SPRED2: variants seen among roughly 807,000 people sequenced by gnomAD.
SPRED2 encodes sprouty-related, EVH1 domain-containing protein 2.
Under a neutral mutation model 43.0 loss-of-function variants are expected in SPRED2, and 47 were observed. That is an observed-to-expected ratio of 1.09 (90% CI 0.87 to 1.40). The LOEUF is 1.40. SPRED2 is among the 40% of genes most tolerant of loss of function. The pLI is 0.00. For missense variants in SPRED2, 561 were observed against 586.4 expected (o/e 0.96, Z 0.45); for synonymous variants, 225 against 225.7 (o/e 1.00, Z 0.03).
intron 1 of SPRED2, among the ~76,000 whole-genome samples, chr2:65,393,540 G>T (rs1006613627): frequency 6.6e-6 from 1 of 151,882 alleles, no homozygotes; most frequent in African/African-American, 2.4e-5. Flanking sequence ...TCATCATGTT[G>T]GCCAGGCTGG....
intron 1 of SPRED2, among the ~76,000 whole-genome samples, chr2:65,400,406 T>C (rs1675858456): frequency 6.6e-6 from 1 of 152,222 alleles, no homozygotes; most frequent in African/African-American, 2.4e-5. Flanking sequence ...AAAAAACAAG[T>C]TGTCAGAGAA....
intron 1 of SPRED2, among the ~76,000 whole-genome samples, chr2:65,362,045 T>C (rs1192504846): frequency 2.0e-5 from 3 of 152,232 alleles, no homozygotes; most frequent in African/African-American, 7.2e-5. Context: ...TACAAATGAA[T>C]GAATGAAGTC....
intron 1 of SPRED2, among the ~76,000 whole-genome samples, chr2:65,357,189 C>CT (rs935718410): frequency 1.3e-5 from 2 of 152,116 alleles, no homozygotes; most frequent in Non-Finnish European, 2.9e-5. Context: ...CATTTAGTTC[C>CT]TTTTTTTCTA....
chr2:65,431,724 G>A (rs1041834318), intron 1 of SPRED2, among the ~76,000 whole-genome samples: 3 of 151,984 alleles, frequency 2.0e-5, no homozygotes, highest in Non-Finnish European at 4.4e-5. Context: ...CACGCCCTTG[G>A]CCCCCGGAGC....
At chr2:65,327,353 G>A (rs892909929) in intron 4 of SPRED2, among the ~76,000 whole-genome samples, 4 of 152,136 alleles carry the variant, frequency 2.6e-5, no homozygotes, top group Admixed American at 6.5e-5. Flanking sequence ...AAGATGAGAT[G>A]ATATATATGT....
chr2:65,382,686 T>C (rs1344832323), intron 1 of SPRED2, among the ~76,000 whole-genome samples: 1 of 152,266 alleles, frequency 6.6e-6, no homozygotes, highest in African/African-American at 2.4e-5. Flanking sequence ...AAAATATTTG[T>C]TTCCACAGTA....
intron 2 of SPRED2, 189 bp downstream of exon 2, chr2:65,344,530 C>T (rs1674283629): frequency 1.3e-6 from 1 of 756,602 alleles, no homozygotes; most frequent in Non-Finnish European, 2.4e-6. Context: ...TCAAAAGAGA[C>T]TTTGCTGGAA....
At chr2:65,362,483 G>A (rs1438734265) in intron 1 of SPRED2, among the ~76,000 whole-genome samples, 1 of 152,028 alleles carries the variant, frequency 6.6e-6, no homozygotes, top group African/African-American at 2.4e-5. Context: ...TGTTAGCCAG[G>A]ATGGTCTCGA....
chr2:65,365,579 A>C (rs1674948156), intron 1 of SPRED2, among the ~76,000 whole-genome samples: 1 of 152,186 alleles, frequency 6.6e-6, no homozygotes. Flanking sequence ...ACTGCTATAC[A>C]CTGGGCTGCT....
intron 1 of SPRED2, among the ~76,000 whole-genome samples, chr2:65,403,418 C>T (rs1215017326): frequency 6.6e-6 from 1 of 152,142 alleles, no homozygotes; most frequent in Non-Finnish European, 1.5e-5. Flanking sequence ...GGACTACAGG[C>T]GTGTGCCACT....
intron 4 of SPRED2, among the ~76,000 whole-genome samples, chr2:65,323,754 T>C (rs1278226512): frequency 6.6e-6 from 1 of 151,936 alleles, no homozygotes; most frequent in Non-Finnish European, 1.5e-5. Context: ...CAGGAACCTG[T>C]AGTCCCAGCT....
intron 1 of SPRED2, among the ~76,000 whole-genome samples, chr2:65,354,354 G>C (rs930200082): frequency 2.6e-5 from 4 of 152,198 alleles, no homozygotes; most frequent in Non-Finnish European, 5.9e-5. Flanking sequence ...CACACTGGAA[G>C]TTACCTCATA....
At chr2:65,331,147 C>A (rs1673800842) in intron 4 of SPRED2, among the ~76,000 whole-genome samples, 1 of 152,126 alleles carries the variant, frequency 6.6e-6, no homozygotes, top group Non-Finnish European at 1.5e-5. Flanking sequence ...GTGGCTAAAG[C>A]CTATAAACCT....
At position 65,313,072 on chromosome 2, in the gene SPRED2, AAG is replaced by A. The variant is rs1477268046; in HGVS notation, c.*427_*428del. 7 of 988,850 alleles carry A rather than the reference AAG, an allele frequency of 7.1e-6. No homozygotes were observed. The highest frequency in any genetic ancestry group is 6.1e-5 in the Admixed American group (1 of 16,326). The allele number at this position is 988,850 out of a possible 1,614,324, so 61.3% of individuals were successfully genotyped here. ...GCGACAGGCAAGGTGAACCAAGAGA[AAG>A]AGAGTCTTCGACGCTCTTGGAAAAA... On this transcript the variant is annotated 3_prime_UTR_variant, in exon 6 of 6. Coordinates refer to ENST00000356388, the MANE Select transcript of SPRED2 (RefSeq NM_181784.3).
At chr2:65,407,328 C>T (rs996359395) in intron 1 of SPRED2, among the ~76,000 whole-genome samples, 2 of 143,834 alleles carry the variant, frequency 1.4e-5, no homozygotes, top group East Asian at 2.0e-4. Context: ...GACTCCCAAA[C>T]CACAATAACT....
chr2:65,308,692 C>T, downstream of SPRED2: 1 of 476,410 alleles, frequency 2.1e-6, no homozygotes. Context: ...GGTATTATCC[C>T]ACTTGTTAAA....
chr2:65,341,007 A>G (rs968016164), intron 2 of SPRED2, among the ~76,000 whole-genome samples: 1 of 151,266 alleles, frequency 6.6e-6, no homozygotes, highest in Non-Finnish European at 1.5e-5. Flanking sequence ...TTGAGAGGCC[A>G]AAGGAAGAGT....
intron 1 of SPRED2, among the ~76,000 whole-genome samples, chr2:65,386,068 TGAG>T (rs1675490711): frequency 6.6e-6 from 1 of 152,120 alleles, no homozygotes; most frequent in African/African-American, 2.4e-5. Context: ...GAGGATCGCC[TGAG>T]GTCAGGAGTT....
At chr2:65,366,932 A>G in intron 1 of SPRED2, 1 of 232,186 alleles carries the variant, frequency 4.3e-6, no homozygotes, top group Non-Finnish European at 7.1e-6. Flanking sequence ...GTAAGTTATG[A>G]TTACCAATCA....
Sources: gnomAD v4.1 joint callset for allele counts (sites outside exome capture counted in the v4.1 genomes callset) on GRCh38, gnomAD v4.1.1 for gene constraint, MANE v1.5 for transcripts, NCBI Gene and HGNC (gene_info 2026-07-23, HGNC 2026-07-21) for gene names.